RALGDS: variants seen among roughly 807,000 people sequenced by gnomAD.
The protein encoded by RALGDS is ral guanine nucleotide exchange factor.
Under a neutral mutation model 99.8 loss-of-function variants are expected in RALGDS, and 44 were observed. The ratio of observed to expected loss-of-function variants is 0.44; its 90% CI spans 0.35 to 0.57. RALGDS has a LOEUF of 0.57. RALGDS is among the 20% of genes least tolerant of loss of function. The pLI is 0.01. For synonymous variants in RALGDS, 529 were observed against 505.0 expected (o/e 1.05, Z -0.64); for missense variants, 1,022 against 1,203.1 (o/e 0.85, Z 2.23).
At chr9:133,105,838 C>T in intron 9 of RALGDS, 94 bp downstream of exon 9, 1 of 69,938 alleles carries the variant, frequency 1.4e-5, no homozygotes. Context: ...CCCGCCCCAG[C>T]CCCCGCCCCA....
intron 1 of RALGDS, among the ~76,000 whole-genome samples, chr9:133,119,060 T>C (rs1415387687): frequency 2.6e-5 from 4 of 152,212 alleles, no homozygotes; most frequent in Admixed American, 2.6e-4. Context: ...AGCTGGGTCA[T>C]TGGTGGCTTG....
chr9:133,124,243 GACAGAC>G (rs1365649477), upstream of RALGDS, among the ~76,000 whole-genome samples: 2 of 150,862 alleles, frequency 1.3e-5, no homozygotes, highest in Non-Finnish European at 3.0e-5. Context: ...CACACATAGA[GACAGAC>G]ACAGAGACAC....
At position 133,108,157 on chromosome 9, in the gene RALGDS, G is replaced by A. The variant is rs144981096; in HGVS notation, c.1028C>T (p.Pro343Leu). 9 of 1,613,208 alleles carry A rather than the reference G, an allele frequency of 5.6e-6. No individual in the cohort carries two copies. The highest frequency in any genetic ancestry group is 7.6e-6 in the Non-Finnish European group (9 of 1,179,958). The change falls in exon 6 of 18, where the codon CCA (proline) becomes CTA (leucine). Residue 343 changes from proline (P) to leucine (L), a missense_variant. Physicochemically the swap from Pro to Leu is moderately conservative, Grantham distance 98 (BLOSUM62 -3). Coordinates refer to ENST00000372050, the MANE Select transcript of RALGDS (RefSeq NM_006266.4). The stretch of plus-strand genomic sequence containing the variant: ...CAGCTCTAGAGTTTGTGAGGGAGCT[G>A]GATCCTGTTCTGGAGCTGGCTCTAG... Reference protein sequence around the residue: ...LELEPAPEQDPAPSQTLELEP... With the variant: ...LELEPAPEQDLAPSQTLELEP...
upstream of RALGDS, among the ~76,000 whole-genome samples, chr9:133,122,098 G>C (rs1053534808): frequency 6.6e-6 from 1 of 152,250 alleles, no homozygotes; most frequent in Admixed American, 6.5e-5. Flanking sequence ...ACATGGCTGC[G>C]TGGCCTGTCA....
chr9:133,115,241 A>T (rs1831541712), intron 1 of RALGDS, among the ~76,000 whole-genome samples: 1 of 152,190 alleles, frequency 6.6e-6, no homozygotes, highest in African/African-American at 2.4e-5. Flanking sequence ...TGGAAACCGT[A>T]GCTAGTGGCC....
chr9:133,144,977 G>C lies in RALGDS; in HGVS notation c.18+3986C>G, dbSNP rs995027875. On this transcript the variant is annotated intron_variant, in intron 1 of 17. Coordinates refer to the RALGDS transcript ENST00000393160. The surrounding 1 kb of genome is among the most constrained non-coding windows in gnomAD (Gnocchi z 4.5). Reference sequence around the variant, plus strand: ...ACGCACAGGCGGACAGACACGAACTGATGAAGGCACAGTTTGCAGTCACAC... The same window carrying C: ...ACGCACAGGCGGACAGACACGAACTCATGAAGGCACAGTTTGCAGTCACAC... Among the ~76,000 whole-genome samples, 1 of 152,210 alleles carries C rather than the reference G, an allele frequency of 6.6e-6. No individual in the cohort carries two copies. The highest frequency in any genetic ancestry group is 2.4e-5 in the African/African-American group (1 of 41,468).
chr9:133,102,016 C>G lies in RALGDS; in HGVS notation c.2133G>C (p.Ser711=). 1.3e-6 allele frequency: 2 copies of G among 1,553,310 alleles called. No individual in the cohort carries two copies. The highest frequency in any genetic ancestry group is 1.7e-6 in the Non-Finnish European group (2 of 1,147,972). Residue 711 remains serine (S), a synonymous_variant, in exon 15 of 18, where the codon TCG becomes TCC. Coordinates refer to ENST00000372050, the MANE Select transcript of RALGDS (RefSeq NM_006266.4). ...CCACGTCGGAGCTAGAGGAGCCGGCCGAGTGCACGCTGAGCGCGTCAGCGA... is the reference window on the plus strand; with the variant it reads ...CCACGTCGGAGCTAGAGGAGCCGGCGGAGTGCACGCTGAGCGCGTCAGCGA... ...GDIADALSVH[S]AGSSSSDVEE...
At chr9:133,111,486 G>C (rs1564238799) in intron 2 of RALGDS, among the ~76,000 whole-genome samples, 1 of 152,164 alleles carries the variant, frequency 6.6e-6, no homozygotes, top group African/African-American at 2.4e-5. Context: ...TCACCATGTG[G>C]GCCAGGCTGG....
chr9:133,132,905 G>A (rs1832365861), upstream of RALGDS, among the ~76,000 whole-genome samples: 1 of 152,174 alleles, frequency 6.6e-6, no homozygotes, highest in South Asian at 2.1e-4. Context: ...CCAAAATGCT[G>A]GGATTACAGG....
chr9:133,099,591 CAT>C (rs1830652310), intron 17 of RALGDS: 1 of 154,758 alleles, frequency 6.5e-6, no homozygotes. Flanking sequence ...TATACACACA[CAT>C]ATACATGCAT....
chr9:133,102,210 T>C, intron 14 of RALGDS, 71 bp from the exon 15 acceptor site: 1 of 1,482,142 alleles, frequency 6.7e-7, no homozygotes, highest in East Asian at 2.5e-5. Flanking sequence ...CCCTGCACCC[T>C]GCGCCCAAGG....
chr9:133,109,648 C>T lies in RALGDS; in HGVS notation c.562G>A (p.Gly188Arg), dbSNP rs765434807. 2.5e-6 allele frequency: 4 copies of T among 1,613,756 alleles called. No homozygotes were observed. Among genetic ancestry groups the T allele is most frequent in the South Asian group, 1.1e-5 (1 of 91,090 alleles). ...CILPYSDEDG[G>R]PQDQLKNAIS... ...CACTTTTTAAGTTGGTCCTGGGGTCCACCATCCTCGTCGGAATAGGGGAGG... is the reference window on the plus strand; with the variant it reads ...CACTTTTTAAGTTGGTCCTGGGGTCTACCATCCTCGTCGGAATAGGGGAGG... Residue 188 changes from glycine to arginine, a missense_variant, in exon 4 of 18, where the codon GGA (glycine) becomes AGA (arginine). By Grantham distance (125) the Gly-to-Arg change is moderately radical. Around this residue, in one of 3 missense-constraint regions of RALGDS, gnomAD observed 825 missense variants for 994.5 expected, o/e 0.83. Coordinates refer to ENST00000372050, the MANE Select transcript of RALGDS (RefSeq NM_006266.4).
chr9:133,119,823 G>A (rs559640202), intron 1 of RALGDS, among the ~76,000 whole-genome samples: 5 of 152,312 alleles, frequency 3.3e-5, no homozygotes, highest in South Asian at 2.1e-4. Flanking sequence ...CCCACCAAGA[G>A]CTCTGCCCAA....
Position 133,098,618 on chromosome 9 carries a change from T to A in RALGDS, c.2714A>T (p.Lys905Ile), listed in dbSNP as rs1830601174. 6.2e-7 allele frequency: 1 copy of A among 1,614,040 alleles called. No homozygotes were observed. The highest frequency in any genetic ancestry group is 2.2e-5 in the East Asian group (1 of 44,880). ...GATGCCCTTGGCAATCTTGAGTCCT[T>A]TCTGCTTCATGCGAGGGAGGGTGGA... The part of the protein sequence containing the change: ...ASSTLPRMKQ[K>I]GLKIAKGIF Residue 905 changes from lysine to isoleucine, a missense_variant, in exon 18 of 18, where the codon AAA becomes ATA. Physicochemically the swap from Lys to Ile is moderately radical, Grantham distance 102 (BLOSUM62 -3). Coordinates refer to ENST00000372050, the MANE Select transcript of RALGDS (RefSeq NM_006266.4).
At chr9:133,141,723 T>G (rs1832527003) in intron 1 of RALGDS, among the ~76,000 whole-genome samples, 1 of 152,004 alleles carries the variant, frequency 6.6e-6, no homozygotes, top group Non-Finnish European at 1.5e-5. Context: ...CCCCAGTAGG[T>G]GACATAATTC....
intron 1 of RALGDS, among the ~76,000 whole-genome samples, chr9:133,138,780 G>A (rs1460926042): frequency 2.6e-5 from 4 of 152,130 alleles, no homozygotes; most frequent in African/African-American, 9.7e-5. Flanking sequence ...AATTACAGGT[G>A]TGCACCACCA....
In RALGDS at chr9:133,101,639, C is replaced by CA. The variant is rs1830760974; in HGVS notation, c.2334dup (p.Val779CysfsTer46). ...GAGCTGGAGTTGCAGAGCCCTGAGA[C>CA]AGAGCGCTTGTGGGTGCGTGTGGCA... On this transcript the variant is annotated frameshift_variant, in exon 16 of 18. Coordinates refer to ENST00000372050, the MANE Select transcript of RALGDS (RefSeq NM_006266.4). LOFTEE classifies it high-confidence loss of function. The CA allele has an allele frequency of 6.2e-7, 1 of 1,613,718 alleles. No homozygotes were observed. Among genetic ancestry groups the CA allele is most frequent in the African/African-American group, 1.3e-5 (1 of 74,950 alleles).
chr9:133,148,909 G>A lies in RALGDS; in HGVS notation c.18+54C>T. ...CTCCCCCCGGTGGGTGTGGGCTGGGGCATACGGTCCTCCCTCCACCCGCGA... is the reference window on the plus strand; with the variant it reads ...CTCCCCCCGGTGGGTGTGGGCTGGGACATACGGTCCTCCCTCCACCCGCGA... On this transcript the variant is annotated intron_variant, in intron 1 of 17. Transcript: ENST00000393160. The A allele has an allele frequency of 1.9e-6, 3 of 1,584,964 alleles. 1 individual carries two copies.
Position 133,101,839 on chromosome 9 carries a change from T to C in RALGDS, c.2212-77A>G, listed in dbSNP as rs72769422. On this transcript the variant is annotated intron_variant, in intron 15 of 17. Coordinates refer to ENST00000372050, the MANE Select transcript of RALGDS (RefSeq NM_006266.4). ...AGGCCAGCTGCCAGATGGGGAACCT[T>C]CTAGAAGCTGTGTTCAGGATCCAGG... The C allele has an allele frequency of 5.0e-3, 7,826 of 1,553,026 alleles. 32 individuals carry two copies. Among genetic ancestry groups the C allele is most frequent in the Non-Finnish European group, 6.4e-3 (7,374 of 1,147,974 alleles).
Sources: allele counts gnomAD v4.1 joint callset (sites outside exome capture counted in the v4.1 genomes callset), GRCh38; gene constraint gnomAD v4.1.1; regional missense constraint gnomAD v4.1.1; non-coding constraint Gnocchi (gnomAD v3.1); transcripts MANE v1.5; gene names NCBI Gene and HGNC (gene_info 2026-07-23, HGNC 2026-07-21).